The following MRTFB variants were observed in gnomAD, a reference collection of about 807,000 sequenced individuals.
MRTFB encodes the protein myocardin-related transcription factor B.
In MRTFB, 29 loss-of-function variants were observed where a neutral mutation model predicts 104.2. The ratio of observed to expected loss-of-function variants is 0.28; its 90% CI spans 0.21 to 0.38. The LOEUF is 0.38. MRTFB is among the 10% of genes least tolerant of loss of function. MRTFB has a pLI of 1.00. For synonymous variants in MRTFB, 535 were observed against 519.5 expected, an observed-to-expected ratio of 1.03 and a Z score of -0.41; for missense variants, 1,270 against 1,341.6, an observed-to-expected ratio of 0.95 and a Z score of 0.83.
intron 2 of MRTFB, among the ~76,000 whole-genome samples, chr16:14,091,065 C>T (rs1357923546): frequency 6.6e-6 from 1 of 151,956 alleles, no homozygotes; most frequent in Non-Finnish European, 1.5e-5. Flanking sequence ...CTGAAGAGTC[C>T]AGCAGCGGGG....
At chr16:14,232,934 G>A (rs2042328699) in intron 8 of MRTFB, among the ~76,000 whole-genome samples, 1 of 152,198 alleles carries the variant, frequency 6.6e-6, no homozygotes, top group African/African-American at 2.4e-5. Context: ...AGTTGTTCAG[G>A]GAAGTGGAAG....
At chr16:14,099,912 A>G (rs2035607750) in intron 2 of MRTFB, among the ~76,000 whole-genome samples, 1 of 151,944 alleles carries the variant, frequency 6.6e-6, no homozygotes, top group Non-Finnish European at 1.5e-5. Context: ...AGGTGAACCC[A>G]CCTCGGACTC....
intron 10 of MRTFB, 77 bp from the exon 11 acceptor site, chr16:14,245,451 G>C: frequency 1.5e-6 from 2 of 1,306,060 alleles, no homozygotes; most frequent in African/African-American, 1.5e-5. Context: ...TCATAAGTTA[G>C]TCAAATTGTT....
In MRTFB at chr16:14,261,671, A is replaced by C. The variant is rs187039172; in HGVS notation, c.*227A>C. The C allele has an allele frequency of 2.1e-6, 1 of 469,290 alleles. No homozygotes were observed. The highest frequency in any genetic ancestry group is 3.7e-6 in the Non-Finnish European group (1 of 269,658). 29.1% of individuals were successfully genotyped at this position (469,290 alleles called of 1,614,324 possible). The stretch of plus-strand genomic sequence containing the variant: ...TAGCACAGGGCCTTCTGAAAATCGC[A>C]CTTGTCAAAGACGACTCATCTATTT... On this transcript the variant is annotated 3_prime_UTR_variant, in exon 17 of 17. Transcript: ENST00000571589.
At chr16:14,210,739 G>A (rs2041157538) in intron 4 of MRTFB, among the ~76,000 whole-genome samples, 1 of 152,122 alleles carries the variant, frequency 6.6e-6, no homozygotes, top group Non-Finnish European at 1.5e-5. Context: ...TATGATCTGT[G>A]TACAGTAATT....
At chr16:14,258,290 G>C in intron 16 of MRTFB, 129 bp downstream of exon 16, 1 of 743,722 alleles carries the variant, frequency 1.3e-6, no homozygotes. Flanking sequence ...TGAATTTACT[G>C]TTTTAAAATC....
chr16:14,002,320 T>A, the MRTFB span, among the ~76,000 whole-genome samples: 1 of 151,128 alleles, frequency 6.6e-6, no homozygotes, highest in Non-Finnish European at 1.5e-5. Context: ...GAGGCGGAGG[T>A]TGCAGTGAGC....
chr16:14,098,393 T>C (rs186798164), intron 2 of MRTFB, among the ~76,000 whole-genome samples: 4 of 152,330 alleles, frequency 2.6e-5, no homozygotes, highest in Admixed American at 2.0e-4. Context: ...TCAAATCTTT[T>C]ATATGTTTAT....
chr16:14,071,941 G>C (rs1331922540), intron 1 of MRTFB, among the ~76,000 whole-genome samples: 1 of 151,350 alleles, frequency 6.6e-6, no homozygotes, highest in Non-Finnish European at 1.5e-5. Context: ...TTTTTCCAGG[G>C]CTTTTGTCTC....
chr16:14,086,681 A>C (rs1412322401), intron 2 of MRTFB, among the ~76,000 whole-genome samples: 2 of 152,100 alleles, frequency 1.3e-5, no homozygotes, highest in Non-Finnish European at 2.9e-5. Flanking sequence ...CTTATACGGT[A>C]GTTTTCATTT....
chr16:14,172,510 T>A (rs960301304), intron 3 of MRTFB, among the ~76,000 whole-genome samples: 4 of 152,216 alleles, frequency 2.6e-5, no homozygotes, highest in South Asian at 2.1e-4. Flanking sequence ...GGCATTTTTT[T>A]AATGATGTCA....
At chr16:14,230,560 A>G (rs1204467103) in intron 8 of MRTFB, among the ~76,000 whole-genome samples, 2 of 152,174 alleles carry the variant, frequency 1.3e-5, no homozygotes, top group African/African-American at 4.8e-5. Context: ...CATCAGAGAA[A>G]TGCAAATCAA....
the MRTFB span, among the ~76,000 whole-genome samples, chr16:14,065,977 A>C: frequency 6.6e-6 from 1 of 152,086 alleles, no homozygotes; most frequent in Admixed American, 6.5e-5. Context: ...TACTTACTAC[A>C]TTGTATTTCA....
At chr16:14,095,387 C>G (rs957611918) in intron 2 of MRTFB, among the ~76,000 whole-genome samples, 1 of 152,190 alleles carries the variant, frequency 6.6e-6, no homozygotes, top group Non-Finnish European at 1.5e-5. Flanking sequence ...TGACCTTGGG[C>G]AAGTTACTTA....
At position 14,247,184 on chromosome 16, in the gene MRTFB, G is replaced by T. The variant is rs2043054287; in HGVS notation, c.1924G>T (p.Ala642Ser). The T allele has an allele frequency of 1.2e-6, 2 of 1,614,116 alleles. No individual in the cohort carries two copies. The highest frequency in any genetic ancestry group is 4.5e-5 in the East Asian group (2 of 44,880). Reference sequence around the variant, plus strand: ...CCTTGGCTCCTCCATCAAAGATGAGGCCTCACTCCCTGACTGCTCCAGCTC... The same window carrying T: ...CCTTGGCTCCTCCATCAAAGATGAGTCCTCACTCCCTGACTGCTCCAGCTC... ...GSLGSSIKDE[A>S]SLPDCSSSRQ... The change falls in exon 12 of 17, where the codon GCC becomes TCC. Residue 642 changes from alanine (A) to serine (S), a missense_variant. Physicochemically the swap from Ala to Ser is moderately conservative, Grantham distance 99 (BLOSUM62 1). This residue lies in a region of MRTFB where 1,144 missense variants were observed against 1,131.5 expected (regional missense o/e 1.01). Coordinates refer to ENST00000571589, the MANE Select transcript of MRTFB (RefSeq NM_001308142.2).
At chr16:14,095,200 A>G (rs1448434216) in intron 2 of MRTFB, among the ~76,000 whole-genome samples, 2 of 152,240 alleles carry the variant, frequency 1.3e-5, no homozygotes, top group East Asian at 1.9e-4. Context: ...ATACAGTCAG[A>G]TTACAGTGAC....
chr16:14,067,579 T>C (rs1468823052), upstream of MRTFB, among the ~76,000 whole-genome samples: 2 of 152,168 alleles, frequency 1.3e-5, no homozygotes, highest in East Asian at 3.9e-4. Context: ...AATTTTTTCT[T>C]CGCTTTTATT....
chr16:14,045,251 T>C, the MRTFB span, among the ~76,000 whole-genome samples: 1 of 152,222 alleles, frequency 6.6e-6, no homozygotes, highest in Non-Finnish European at 1.5e-5. Context: ...TAATGTTGTC[T>C]GTTTCCAGAA....
intron 3 of MRTFB, 52 bp from the exon 4 acceptor site, chr16:14,210,191 C>T (rs1006163273): frequency 2.8e-5 from 39 of 1,394,908 alleles, no homozygotes; most frequent in Middle Eastern, 3.5e-4. Flanking sequence ...TCACATAAAT[C>T]GGATCCCACA....
Sources: gnomAD v4.1 joint callset for allele counts (sites outside exome capture counted in the v4.1 genomes callset) on GRCh38, gnomAD v4.1.1 for gene constraint, gnomAD v4.1.1 regional missense constraint, MANE v1.5 for transcripts, NCBI Gene and HGNC (gene_info 2026-07-23, HGNC 2026-07-21) for gene names.